The following NAV3 variants were observed in gnomAD, a reference collection of about 807,000 sequenced individuals.
NAV3 encodes pore membrane and/or filament interacting like protein 1.
In NAV3, 87 loss-of-function variants were observed where a neutral mutation model predicts 244.7. The observed-to-expected ratio is 0.36, with a 90% CI of 0.30 to 0.42. NAV3 has a LOEUF of 0.42. Among genes scored for constraint, NAV3 ranks in the 20% least tolerant of loss-of-function variants. NAV3 has a pLI of 1.00. For synonymous variants in NAV3, 1,126 were observed against 1,042.2 expected, an observed-to-expected ratio of 1.08 and a Z score of -1.55; for missense variants, 2,663 against 2,893.3, an observed-to-expected ratio of 0.92 and a Z score of 1.83.
At chr12:78,093,019 T>A (rs1198165544) in intron 12 of NAV3, among the ~76,000 whole-genome samples, 2 of 152,344 alleles carry the variant, frequency 1.3e-5, no homozygotes, top group Non-Finnish European at 2.9e-5. Context: ...GCAATAATTT[T>A]CATTTGGTCA....
chr12:78,043,155 A>C (rs552096792), intron 9 of NAV3, among the ~76,000 whole-genome samples: 2 of 151,458 alleles, frequency 1.3e-5, no homozygotes, highest in Non-Finnish European at 1.5e-5. Context: ...TCATTGTTCA[A>C]CTCCCACTTG....
chr12:77,726,371 A>G (rs559583795), intron 2 of NAV3, among the ~76,000 whole-genome samples: 1 of 152,054 alleles, frequency 6.6e-6, no homozygotes, highest in Non-Finnish European at 1.5e-5. Flanking sequence ...ATTTAAAAAT[A>G]TTTATTGTAT....
intron 12 of NAV3, among the ~76,000 whole-genome samples, chr12:78,101,688 G>A (rs1954544406): frequency 6.6e-6 from 1 of 152,022 alleles, no homozygotes; most frequent in African/African-American, 2.4e-5. Flanking sequence ...AAGTAATACA[G>A]AATTTACACT....
chr12:78,169,916 T>C (rs989611231), intron 24 of NAV3, among the ~76,000 whole-genome samples: 1 of 151,848 alleles, frequency 6.6e-6, no homozygotes, highest in Non-Finnish European at 1.5e-5. Context: ...CTTCTGTTCC[T>C]TTGAAATATT....
At chr12:77,664,712 CCA>C (rs1321437946) in intron 2 of NAV3, among the ~76,000 whole-genome samples, 9 of 152,052 alleles carry the variant, frequency 5.9e-5, no homozygotes, top group Middle Eastern at 6.8e-3. Flanking sequence ...TATCTTAACC[CCA>C]CTTTGATTTA....
At chr12:77,960,060 T>G (rs1891745964) in intron 3 of NAV3, among the ~76,000 whole-genome samples, 1 of 151,948 alleles carries the variant, frequency 6.6e-6, no homozygotes, top group Non-Finnish European at 1.5e-5. Flanking sequence ...AAGCATTGAT[T>G]GTGCCTGGCC....
chr12:77,823,803 A>G (rs928565609), intron 2 of NAV3, among the ~76,000 whole-genome samples: 6 of 152,222 alleles, frequency 3.9e-5, no homozygotes, highest in Non-Finnish European at 7.3e-5. Context: ...TACTTAAGAA[A>G]TGGCAGAGGT....
At chr12:77,614,614 T>C (rs2136837316) in intron 2 of NAV3, among the ~76,000 whole-genome samples, 1 of 152,286 alleles carries the variant, frequency 6.6e-6, no homozygotes, top group South Asian at 2.1e-4. Context: ...TCACTTAGCA[T>C]TTAAGACCAC....
chr12:77,721,191 C>G (rs552691384), intron 2 of NAV3, among the ~76,000 whole-genome samples: 1 of 151,970 alleles, frequency 6.6e-6, no homozygotes, highest in South Asian at 2.1e-4. Context: ...TGGATATTGT[C>G]GAATATTCAT....
intron 2 of NAV3, among the ~76,000 whole-genome samples, chr12:77,685,025 G>A (rs1037297575): frequency 5.9e-5 from 9 of 152,020 alleles, no homozygotes; most frequent in African/African-American, 7.2e-5. Context: ...TCACACTGTC[G>A]TGATTATTTT....
In NAV3 at chr12:78,128,236, T is replaced by C. The variant is rs528583821; in HGVS notation, c.4281-470T>C. Among the ~76,000 whole-genome samples, 19 of 149,374 alleles carry C rather than the reference T, an allele frequency of 1.3e-4. No homozygotes were observed. In the South Asian group the frequency reaches 2.3e-3, roughly 18 times the overall value. On this transcript the variant is annotated intron_variant, in intron 17 of 39. Transcript: ENST00000397909. ...TTTGTAATCTAGGCATGATGTCAAGTGGCAGTTTAACAAAAGAACTGTTTT... is the reference window on the plus strand; with the variant it reads ...TTTGTAATCTAGGCATGATGTCAAGCGGCAGTTTAACAAAAGAACTGTTTT...
chr12:77,885,547 G>T (rs1257107172), intron 1 of NAV3, among the ~76,000 whole-genome samples: 1 of 152,070 alleles, frequency 6.6e-6, no homozygotes, highest in Non-Finnish European at 1.5e-5. Flanking sequence ...TTTACAGGTT[G>T]TATCTGCCCT....
intron 22 of NAV3, among the ~76,000 whole-genome samples, chr12:78,156,426 C>A (rs1352842338): frequency 6.6e-6 from 1 of 152,044 alleles, no homozygotes; most frequent in Non-Finnish European, 1.5e-5. Flanking sequence ...CCATTCTAAT[C>A]ATAAACATTT....
In NAV3 at chr12:77,776,680, C is replaced by T. The variant is rs2135897759; in HGVS notation, c.73-163639C>T. Among the ~76,000 whole-genome samples the T allele has an allele frequency of 2.0e-5, 3 of 152,236 alleles. No individual in the cohort carries two copies. In the South Asian group the frequency reaches 6.2e-4, roughly 32 times the overall value. On this transcript the variant is annotated intron_variant, in intron 2 of 8. Transcript: ENST00000550042. Reference sequence around the variant, plus strand: ...TGACAAACATGGTTTCTGACCAAATCTAAACAAATTAGAGAGTTTTACACT... The same window carrying T: ...TGACAAACATGGTTTCTGACCAAATTTAAACAAATTAGAGAGTTTTACACT...
At chr12:77,655,018 G>A (rs536221786) in intron 2 of NAV3, among the ~76,000 whole-genome samples, 21 of 152,236 alleles carry the variant, frequency 1.4e-4, no homozygotes, top group Admixed American at 5.2e-4. Flanking sequence ...AAAAAACAGA[G>A]CAGAAAAACT....
intron 3 of NAV3, chr12:77,950,796 T>C (rs1890799469): frequency 6.6e-6 from 1 of 152,070 alleles, no homozygotes; most frequent in South Asian, 2.1e-4. Flanking sequence ...TTGACAAACC[T>C]GACAAAAACA....
chr12:77,835,812 C>T (rs1394285965), intron 1 of NAV3, among the ~76,000 whole-genome samples: 2 of 152,186 alleles, frequency 1.3e-5, no homozygotes, highest in Admixed American at 6.5e-5. Context: ...ATAATGTCTT[C>T]ATTCAGGCAT....
intron 2 of NAV3, among the ~76,000 whole-genome samples, chr12:77,702,542 T>C (rs1251157298): frequency 2.6e-5 from 4 of 152,034 alleles, no homozygotes; most frequent in Non-Finnish European, 5.9e-5. Flanking sequence ...TCCTGCTTTC[T>C]TTCATAAAAA....
intron 2 of NAV3, among the ~76,000 whole-genome samples, chr12:77,650,076 A>C (rs1257926546): frequency 6.6e-6 from 1 of 152,048 alleles, no homozygotes; most frequent in Non-Finnish European, 1.5e-5. Context: ...CATACCTTCT[A>C]TTGCTCCCTC....
Sources: gnomAD v4.1 joint callset for allele counts (sites outside exome capture counted in the v4.1 genomes callset) on GRCh38, gnomAD v4.1.1 for gene constraint, MANE v1.5 for transcripts, NCBI Gene and HGNC (gene_info 2026-07-23, HGNC 2026-07-21) for gene names.